PCDHA4: variants seen among roughly 807,000 people sequenced by gnomAD.
PCDHA4 encodes protocadherin alpha 4.
PCDHA4 carries 49 observed loss-of-function variants against 61.4 expected under a neutral mutation model. The ratio of observed to expected loss-of-function variants is 0.80; its 90% CI spans 0.63 to 1.01. The LOEUF (loss-of-function observed/expected upper bound fraction) is 1.01. Among genes scored for constraint, PCDHA4 ranks in the 50% least tolerant of loss-of-function variants. PCDHA4 has a pLI of 0.00. For missense variants in PCDHA4, 1,254 were observed against 1,235.8 expected, an observed-to-expected ratio of 1.01 and a Z score of -0.22; for synonymous variants, 590 against 550.3, an observed-to-expected ratio of 1.07 and a Z score of -1.01.
chr5:140,935,996 G>A (rs145363850), intron 1 of PCDHA4, among the ~76,000 whole-genome samples: 2 of 150,844 alleles, frequency 1.3e-5, no homozygotes, highest in African/African-American at 4.9e-5. Context: ...GGGTTCAAGC[G>A]ATTCTCCCAC....
chr5:140,811,435 T>C (rs1764866760), intron 1 of PCDHA4: 1 of 152,242 alleles, frequency 6.6e-6, no homozygotes, highest in African/African-American at 2.4e-5. Flanking sequence ...TGGTTCCAAG[T>C]CTTTGCTATT....
chr5:140,842,067 T>G, intron 1 of PCDHA4: 1 of 1,613,874 alleles, frequency 6.2e-7, no homozygotes, highest in Non-Finnish European at 8.5e-7. Flanking sequence ...GAATACGAAG[T>G]AAGAATATTC....
chr5:140,825,816 T>C (rs1372654901), intron 1 of PCDHA4: 1 of 152,478 alleles, frequency 6.6e-6, no homozygotes, highest in African/African-American at 2.4e-5. Flanking sequence ...TTGTTGTTAC[T>C]TTTAGATTAA....
At chr5:140,851,008 T>C in intron 1 of PCDHA4, 2 of 1,437,046 alleles carry the variant, frequency 1.4e-6, no homozygotes, top group East Asian at 4.8e-5. Flanking sequence ...CAGCAGATTT[T>C]TTTTCTGATA....
At chr5:140,810,256 G>T (rs1407131927) in intron 1 of PCDHA4, 3 of 152,158 alleles carry the variant, frequency 2.0e-5, no homozygotes, top group East Asian at 1.9e-4. Flanking sequence ...AATTTGCATT[G>T]TGCCTCAATG....
chr5:140,847,661 T>C (rs1781128482), intron 1 of PCDHA4: 1 of 149,742 alleles, frequency 6.7e-6, no homozygotes, highest in Non-Finnish European at 1.5e-5. Flanking sequence ...TCATAGATTA[T>C]AAAGCTTGGA....
rs374146742 is a variant in PCDHA4 at position 140,927,954 on chromosome 5, C to T, written c.2386-50995C>T. ...CGAACCCAGTACCTGAGGACGCTGC[C>T]CCTGGCACAGTGATTGCTCTCTTTA... On this transcript the variant is annotated intron_variant, in intron 1 of 3. Transcript: ENST00000530339. The T allele has an allele frequency of 5.2e-5, 84 of 1,614,080 alleles. No homozygotes were observed. In the African/African-American group the frequency reaches 1.0e-3, roughly 19 times the overall value.
At chr5:140,960,440 T>C (rs1304890095) in intron 1 of PCDHA4, among the ~76,000 whole-genome samples, 1 of 152,164 alleles carries the variant, frequency 6.6e-6, no homozygotes, top group Admixed American at 6.5e-5. Flanking sequence ...ACTCTAGATA[T>C]ATGTATGGAT....
At chr5:140,910,525 C>T (rs531874263) in intron 1 of PCDHA4, among the ~76,000 whole-genome samples, 2 of 152,258 alleles carry the variant, frequency 1.3e-5, no homozygotes, top group African/African-American at 4.8e-5. Context: ...GCAGGTACTC[C>T]CCTCACAAAT....
chr5:140,903,415 A>T (rs1303652958), intron 1 of PCDHA4, among the ~76,000 whole-genome samples: 1 of 152,238 alleles, frequency 6.6e-6, no homozygotes, highest in East Asian at 1.9e-4. Flanking sequence ...GTCAGGAAAA[A>T]TTCAGCACAA....
intron 1 of PCDHA4, chr5:140,928,535 G>A (rs1554205968): frequency 2.5e-6 from 4 of 1,614,224 alleles, no homozygotes; most frequent in East Asian, 2.2e-5. Context: ...GTGGTAGATA[G>A]GAATGACAAT....
intron 1 of PCDHA4, among the ~76,000 whole-genome samples, chr5:140,898,790 AT>A (rs1193457354): frequency 2.6e-5 from 4 of 152,112 alleles, no homozygotes; most frequent in African/African-American, 7.2e-5. Flanking sequence ...CAGTATGGCC[AT>A]TTTCACGATA....
chr5:140,825,700 G>C (rs2150140795), intron 1 of PCDHA4: 6 of 152,272 alleles, frequency 3.9e-5, no homozygotes, highest in Admixed American at 2.6e-4. Flanking sequence ...GGGATTGCAG[G>C]CATGAGCCAT....
At chr5:140,843,169 C>T in intron 1 of PCDHA4, 1 of 1,596,092 alleles carries the variant, frequency 6.3e-7, no homozygotes, top group Non-Finnish European at 8.6e-7. Flanking sequence ...CAGCTGCAAG[C>T]AGCCCTCGCA....
chr5:140,867,119 A>C (rs2049767402), intron 1 of PCDHA4: 1 of 152,142 alleles, frequency 6.6e-6, no homozygotes, highest in Admixed American at 6.5e-5. Context: ...ATATTGTTTT[A>C]ATTCAAATAT....
At chr5:140,870,099 C>T in intron 1 of PCDHA4, 8 of 1,613,912 alleles carry the variant, frequency 5.0e-6, no homozygotes, top group Non-Finnish European at 6.8e-6. Context: ...TGGCAGGTCA[C>T]TGTACAGTCT....
intron 3 of PCDHA4, 32 bp from the exon 4 acceptor site, chr5:141,009,595 C>T (rs781807814): frequency 6.2e-7 from 1 of 1,604,124 alleles, no homozygotes; most frequent in Admixed American, 1.7e-5. Context: ...TGTGTTGACC[C>T]TGTTAATGAT....
chr5:140,992,807 C>T (rs781970284), intron 3 of PCDHA4, among the ~76,000 whole-genome samples: 2 of 152,226 alleles, frequency 1.3e-5, no homozygotes, highest in African/African-American at 4.8e-5. Flanking sequence ...CCATATGTAT[C>T]TAAGGATGTG....
At chr5:140,824,418 A>T in intron 1 of PCDHA4, 1 of 513,258 alleles carries the variant, frequency 1.9e-6, no homozygotes, top group Middle Eastern at 5.0e-4. Context: ...CATAGTTTGG[A>T]GTCATTCTCA....
Sources: gnomAD v4.1 joint callset for allele counts (sites outside exome capture counted in the v4.1 genomes callset) on GRCh38, gnomAD v4.1.1 for gene constraint, MANE v1.5 for transcripts, NCBI Gene and HGNC (gene_info 2026-07-23, HGNC 2026-07-21) for gene names.